Variants in NKAIN3 observed in about 807,000 individuals in gnomAD.
The protein encoded by NKAIN3 is sodium/potassium-transporting ATPase subunit beta-1-interacting protein 3.
A neutral mutation model predicts 30.2 loss-of-function variants in NKAIN3; 25 were observed. That is an observed-to-expected ratio of 0.83 (90% CI 0.60 to 1.16). The LOEUF is 1.16. Ranked by LOEUF, NKAIN3 falls within the 50% of genes most tolerant of loss-of-function variation. NKAIN3 has a pLI of 0.00. For synonymous variants in NKAIN3, 91 were observed against 89.6 expected (o/e 1.02, Z -0.09); for missense variants, 225 against 254.1 (o/e 0.89, Z 0.78).
At position 62,863,790 on chromosome 8, in the gene NKAIN3, A is replaced by G. The variant is rs112062342; in HGVS notation, c.472-54663A>G. The G allele has an allele frequency of 2.4e-3, 3,835 of 1,611,262 alleles. 85 individuals carry two copies. The African/African-American group carries it at 0.046, about 19-fold the overall frequency. On this transcript the variant is annotated intron_variant, in intron 4 of 6. Transcript: ENST00000623646. The stretch of plus-strand genomic sequence containing the variant: ...AGCCAGACAGTAGAGAAGTGCCCCC[A>G]TCCAAGCTTTCTAATAACATGATAC...
At chr8:62,299,040 TAG>T (rs1453537145) in intron 1 of NKAIN3, among the ~76,000 whole-genome samples, 1 of 151,938 alleles carries the variant, frequency 6.6e-6, no homozygotes, top group African/African-American at 2.4e-5. Context: ...ATGAAAAGTA[TAG>T]AGATGAGAAG....
At chr8:62,336,365 T>A (rs1026671895) in intron 1 of NKAIN3, among the ~76,000 whole-genome samples, 6 of 152,066 alleles carry the variant, frequency 3.9e-5, no homozygotes, top group African/African-American at 1.4e-4. Context: ...TTAAGTTTCT[T>A]ATCACGTGCA....
intron 4 of NKAIN3, among the ~76,000 whole-genome samples, chr8:62,810,077 G>A (rs1011922559): frequency 6.6e-6 from 1 of 152,118 alleles, no homozygotes; most frequent in Non-Finnish European, 1.5e-5. Context: ...CCTGAGGACT[G>A]AGCAAGCCGC....
chr8:62,821,883 C>G (rs1042673814), intron 4 of NKAIN3, among the ~76,000 whole-genome samples: 1 of 151,348 alleles, frequency 6.6e-6, no homozygotes, highest in Non-Finnish European at 1.5e-5. Context: ...TTTTTATTTG[C>G]CAAATAAAAA....
intron 3 of NKAIN3, among the ~76,000 whole-genome samples, chr8:62,662,405 A>C (rs1162065469): frequency 2.6e-5 from 4 of 152,182 alleles, no homozygotes; most frequent in Non-Finnish European, 5.9e-5. Context: ...TTGAAAGTGC[A>C]CGTCTCCTAG....
rs192331218 is a variant in NKAIN3, at chr8:62,251,416, T to C, written c.54+2289T>C. Among the ~76,000 whole-genome samples the C allele has an allele frequency of 3.3e-3, 507 of 152,254 alleles. 1 individual carries two copies. The highest frequency in any genetic ancestry group is 0.012 in the African/African-American group (480 of 41,576). On this transcript the variant is annotated intron_variant, in intron 1 of 6. Transcript: ENST00000623646. ...CTTTAGTGTGAATTCCATACAGCCA[T>C]TCAATTTTGGCAGAATCTTTTTGCT...
At chr8:62,892,657 G>T (rs1383370166) in intron 4 of NKAIN3, among the ~76,000 whole-genome samples, 2 of 151,780 alleles carry the variant, frequency 1.3e-5, no homozygotes, top group African/African-American at 4.9e-5. Flanking sequence ...AGAAAGAAAG[G>T]TACTCTCATG....
At chr8:62,295,377 C>T (rs565262008) in intron 1 of NKAIN3, among the ~76,000 whole-genome samples, 4 of 152,118 alleles carry the variant, frequency 2.6e-5, no homozygotes, top group Non-Finnish European at 5.9e-5. Context: ...GTGTGTCAGG[C>T]AAACATCCTA....
intron 4 of NKAIN3, among the ~76,000 whole-genome samples, chr8:62,823,982 G>T (rs976055890): frequency 1.3e-5 from 2 of 152,200 alleles, no homozygotes; most frequent in African/African-American, 4.8e-5. Flanking sequence ...AGGAAGTACA[G>T]GAAGTAGGAT....
At position 62,960,494 on chromosome 8, in the gene NKAIN3, T is replaced by C. The variant is rs537244230; in HGVS notation, c.604-4860T>C. Among the ~76,000 whole-genome samples the C allele has an allele frequency of 5.9e-5, 9 of 152,034 alleles. No individual in the cohort carries two copies. In the South Asian group the frequency reaches 1.7e-3, roughly 28 times the overall value. On this transcript the variant is annotated intron_variant, in intron 6 of 6. Transcript: ENST00000623646. ...AGATTTATGCAGTGATGTGGAGATA[T>C]AGTCCACCACCACCCCTGAAAAAAA...
chr8:62,731,612 AGCTC>A (rs925983057), intron 3 of NKAIN3, among the ~76,000 whole-genome samples: 1 of 152,150 alleles, frequency 6.6e-6, no homozygotes, highest in African/African-American at 2.4e-5. Flanking sequence ...CTAGGAAGTT[AGCTC>A]GGGCTCCCAT....
At chr8:62,352,142 T>G (rs2129591830) in intron 1 of NKAIN3, among the ~76,000 whole-genome samples, 1 of 152,256 alleles carries the variant, frequency 6.6e-6, no homozygotes, top group African/African-American at 2.4e-5. Flanking sequence ...TTAGCCCAAA[T>G]TAGACTTAGG....
intron 1 of NKAIN3, among the ~76,000 whole-genome samples, chr8:62,359,200 G>T (rs907590909): frequency 4.6e-5 from 7 of 152,038 alleles, no homozygotes; most frequent in African/African-American, 1.7e-4. Flanking sequence ...TATATTACTA[G>T]TTCCCATCTA....
At chr8:62,662,481 G>T (rs1812976520) in intron 3 of NKAIN3, among the ~76,000 whole-genome samples, 1 of 152,168 alleles carries the variant, frequency 6.6e-6, no homozygotes, top group Non-Finnish European at 1.5e-5. Context: ...CTTCCCCTTT[G>T]TTTAGCAATT....
intron 4 of NKAIN3, among the ~76,000 whole-genome samples, chr8:62,841,201 T>A (rs1450946899): frequency 6.6e-6 from 1 of 152,176 alleles, no homozygotes; most frequent in Non-Finnish European, 1.5e-5. Flanking sequence ...ATTATAATAA[T>A]CATAATTGTA....
intron 4 of NKAIN3, among the ~76,000 whole-genome samples, chr8:62,901,478 C>T (rs1821612092): frequency 6.6e-6 from 1 of 152,170 alleles, no homozygotes; most frequent in Non-Finnish European, 1.5e-5. Context: ...AAAGCTGATA[C>T]TGTGGCCAGT....
chr8:62,412,924 A>AAC (rs1316261706), intron 1 of NKAIN3, among the ~76,000 whole-genome samples: 2 of 126,368 alleles, frequency 1.6e-5, no homozygotes, highest in East Asian at 2.1e-4. Flanking sequence ...AAAAAAAACA[A>AAC]AAAAAAAAAA....
At chr8:62,332,452 T>C (rs1048766559) in intron 1 of NKAIN3, among the ~76,000 whole-genome samples, 3 of 152,142 alleles carry the variant, frequency 2.0e-5, no homozygotes, top group Admixed American at 6.5e-5. Context: ...ACTTTTCCAA[T>C]TAGGAAAATG....
intron 1 of NKAIN3, among the ~76,000 whole-genome samples, chr8:62,344,530 T>C (rs1815863549): frequency 6.6e-6 from 1 of 152,018 alleles, no homozygotes; most frequent in Admixed American, 6.6e-5. Flanking sequence ...CAATAGAAAA[T>C]GGTACATTAT....
Sources: gnomAD v4.1 joint callset for allele counts (sites outside exome capture counted in the v4.1 genomes callset) on GRCh38, gnomAD v4.1.1 for gene constraint, MANE v1.5 for transcripts, NCBI Gene and HGNC (gene_info 2026-07-23, HGNC 2026-07-21) for gene names.